SSH2: variants seen among roughly 807,000 people sequenced by gnomAD.
SSH2 encodes the protein protein phosphatase Slingshot homolog 2.
A neutral mutation model predicts 135.2 loss-of-function variants in SSH2; 37 were observed. That is an observed-to-expected ratio of 0.27 (90% CI 0.21 to 0.36). The LOEUF (loss-of-function observed/expected upper bound fraction) is 0.36. Among genes scored for constraint, SSH2 ranks in the 10% least tolerant of loss-of-function variants. The pLI is 1.00. For synonymous variants in SSH2, 628 were observed against 646.2 expected (o/e 0.97, Z 0.43); for missense variants, 1,408 against 1,765.3 (o/e 0.80, Z 3.63).
intron 1 of SSH2, among the ~76,000 whole-genome samples, chr17:29,905,716 A>G (rs2066641078): frequency 6.6e-6 from 1 of 152,102 alleles, no homozygotes; most frequent in South Asian, 2.1e-4. Context: ...CAGGCCAGGG[A>G]GGGCCTGTGG....
intron 3 of SSH2, among the ~76,000 whole-genome samples, chr17:29,747,460 T>A (rs1339639529): frequency 2.0e-5 from 3 of 152,158 alleles, no homozygotes; most frequent in African/African-American, 7.2e-5. Flanking sequence ...TCACACAACA[T>A]GCAAAAAGGG....
At chr17:29,658,275 TAC>T (rs941387504) in intron 11 of SSH2, among the ~76,000 whole-genome samples, 1 of 152,064 alleles carries the variant, frequency 6.6e-6, no homozygotes, top group African/African-American at 2.4e-5. Context: ...GTGCTGGGAT[TAC>T]AGACAGGCAT....
intron 3 of SSH2, among the ~76,000 whole-genome samples, chr17:29,743,907 C>CTTTTTTTTTT (rs59540894): frequency 1.0e-5 from 1 of 99,862 alleles, no homozygotes; most frequent in Non-Finnish European, 2.0e-5. Context: ...TTCTTTTTTC[C>CTTTTTTTTTT]TTTTTTTTTT....
intron 3 of SSH2, among the ~76,000 whole-genome samples, chr17:29,751,459 A>G (rs1347315997): frequency 2.0e-5 from 3 of 152,194 alleles, no homozygotes; most frequent in Non-Finnish European, 2.9e-5. Flanking sequence ...TCCACTCTAC[A>G]ATACTGATAA....
rs2036474434 is a variant in SSH2, at chr17:29,648,674, A to G, written c.1227-330T>C. Among the ~76,000 whole-genome samples the G allele has an allele frequency of 1.3e-5, 2 of 152,264 alleles. 1 individual carries two copies. Among genetic ancestry groups the G allele is most frequent in the South Asian group, 4.1e-4 (2 of 4,838 alleles). On this transcript the variant is annotated intron_variant, in intron 13 of 15. Transcript: ENST00000540801. ...ACATACAGCTTTTATCCTAAAGGAT[A>G]GGATTCAGTGGGAGAAACATACAAT...
chr17:29,665,839 T>C (rs765807728), intron 11 of SSH2, among the ~76,000 whole-genome samples: 2 of 152,194 alleles, frequency 1.3e-5, no homozygotes, highest in African/African-American at 2.4e-5. Flanking sequence ...GGTCACTAAA[T>C]GTTCAGGAAC....
At chr17:29,666,492 G>A (rs2037282378) in intron 11 of SSH2, among the ~76,000 whole-genome samples, 1 of 152,178 alleles carries the variant, frequency 6.6e-6, no homozygotes, top group South Asian at 2.1e-4. Context: ...AGACCAACGT[G>A]GCCAAGATGG....
chr17:29,740,091 C>T (rs1454048738), intron 3 of SSH2, among the ~76,000 whole-genome samples: 1 of 152,176 alleles, frequency 6.6e-6, no homozygotes, highest in African/African-American at 2.4e-5. Context: ...GTTTTGACCT[C>T]TGAACTCCTT....
chr17:29,771,570 ATC>A (rs2041587061), intron 3 of SSH2, among the ~76,000 whole-genome samples: 1 of 152,130 alleles, frequency 6.6e-6, no homozygotes, highest in Non-Finnish European at 1.5e-5. Context: ...ACTGCCTTTC[ATC>A]TCTCTCTTGC....
intron 3 of SSH2, among the ~76,000 whole-genome samples, chr17:29,743,009 G>A (rs2040623592): frequency 6.6e-6 from 1 of 152,000 alleles, no homozygotes; most frequent in Non-Finnish European, 1.5e-5. Context: ...TCAGCTCACT[G>A]CAACCTCCAC....
intron 7 of SSH2, among the ~76,000 whole-genome samples, chr17:29,677,355 G>A (rs1276218779): frequency 6.6e-6 from 1 of 152,132 alleles, no homozygotes; most frequent in Non-Finnish European, 1.5e-5. Context: ...GGCAGCAAGA[G>A]GTTATTTGAA....
chr17:29,864,794 C>T (rs2065826865), intron 1 of SSH2, among the ~76,000 whole-genome samples: 1 of 152,106 alleles, frequency 6.6e-6, no homozygotes, highest in Non-Finnish European at 1.5e-5. Flanking sequence ...ATCCTCTAAG[C>T]AGTGATTCTC....
chr17:29,890,303 C>G (rs536347539), intron 1 of SSH2, among the ~76,000 whole-genome samples: 7 of 152,256 alleles, frequency 4.6e-5, no homozygotes, highest in Admixed American at 3.9e-4. Context: ...AATCCCACTC[C>G]TAGGTATATG....
At chr17:29,719,404 C>T (rs538111322) in intron 3 of SSH2, among the ~76,000 whole-genome samples, 7 of 151,522 alleles carry the variant, frequency 4.6e-5, no homozygotes, top group African/African-American at 7.3e-5. Flanking sequence ...CCCAGCTACT[C>T]GGGAGGCTAA....
intron 1 of SSH2, among the ~76,000 whole-genome samples, chr17:29,851,712 T>A (rs1230060872): frequency 6.6e-6 from 1 of 151,494 alleles, no homozygotes; most frequent in Non-Finnish European, 1.5e-5. Context: ...AAAAAAATAA[T>A]AATAATCAGC....
chr17:29,882,845 G>A (rs2066164088), intron 1 of SSH2, among the ~76,000 whole-genome samples: 1 of 152,118 alleles, frequency 6.6e-6, no homozygotes, highest in Admixed American at 6.6e-5. Context: ...AAATTTTTCT[G>A]TAGAGACGGG....
intron 1 of SSH2, among the ~76,000 whole-genome samples, chr17:29,913,634 CTTTT>C (rs1312476162): frequency 2.0e-5 from 3 of 150,472 alleles, no homozygotes; most frequent in Admixed American, 6.6e-5. Flanking sequence ...ATATTTCTTT[CTTTT>C]TTCTTTTTTT....
intron 12 of SSH2, among the ~76,000 whole-genome samples, chr17:29,652,226 A>G (rs552490727): frequency 1.6e-4 from 24 of 152,346 alleles, no homozygotes; most frequent in African/African-American, 5.5e-4. Context: ...CACAGGACCC[A>G]GCAATTCCTT....
intron 2 of SSH2, among the ~76,000 whole-genome samples, chr17:29,794,859 A>G (rs1016815985): frequency 3.3e-5 from 5 of 152,222 alleles, no homozygotes; most frequent in Non-Finnish European, 7.3e-5. Context: ...AAAAATTAGT[A>G]TATGTTATGA....
Sources: allele counts gnomAD v4.1 joint callset (sites outside exome capture counted in the v4.1 genomes callset), GRCh38; gene constraint gnomAD v4.1.1; transcripts MANE v1.5; gene names NCBI Gene and HGNC (gene_info 2026-07-23, HGNC 2026-07-21).